MNS1: variants seen among roughly 807,000 people sequenced by gnomAD.
MNS1 encodes the protein meiosis specific nuclear structural 1, also known as meiosis-specific nuclear structural protein 1.
A neutral mutation model predicts 72.0 loss-of-function variants in MNS1; 63 were observed. That is an observed-to-expected ratio of 0.87 (90% CI 0.71 to 1.08). The LOEUF is 1.08. Ranked by LOEUF, MNS1 falls within the 50% of genes least tolerant of loss-of-function variation. MNS1 has a pLI of 0.00. For synonymous variants in MNS1, 188 were observed against 172.1 expected (o/e 1.09, Z -0.72); for missense variants, 604 against 562.4 (o/e 1.07, Z -0.75).
intron 8 of MNS1, 125 bp downstream of exon 8, chr15:56,434,013 A>T (rs1374636506): frequency 9.6e-7 from 1 of 1,047,094 alleles, no homozygotes; most frequent in African/African-American, 1.6e-5. Context: ...AAATTTATAT[A>T]TATATTAGTA....
Position 56,465,023 on chromosome 15 carries a change from C to A in MNS1, c.-51G>T, listed in dbSNP as rs201559825. ...TCGTGGGACCGCGGCCACCACCTCC[C>A]GCCGCAAACGCAGCAGCCAGCAGCC... On this transcript the variant is annotated 5_prime_UTR_variant, in exon 1 of 10. Coordinates refer to ENST00000260453, the MANE Select transcript of MNS1 (RefSeq NM_018365.4). 306 of 1,593,888 alleles carry A rather than the reference C, an allele frequency of 1.9e-4. 1 individual carries two copies. In the African/African-American group the frequency reaches 3.5e-3, roughly 18 times the overall value.
intron 7 of MNS1, among the ~76,000 whole-genome samples, chr15:56,436,717 C>T (rs1246538127): frequency 6.6e-6 from 1 of 151,678 alleles, no homozygotes; most frequent in Non-Finnish European, 1.5e-5. Context: ...TAGCAAGACT[C>T]ATAACAAAGA....
At chr15:56,439,050 T>C (rs1382808793) in intron 7 of MNS1, among the ~76,000 whole-genome samples, 8 of 151,994 alleles carry the variant, frequency 5.3e-5, no homozygotes, top group Non-Finnish European at 8.8e-5. Flanking sequence ...CCTGACTATG[T>C]AGGGAAAAAA....
At chr15:56,433,736 G>GA (rs1291170899) in intron 8 of MNS1, among the ~76,000 whole-genome samples, 5 of 152,098 alleles carry the variant, frequency 3.3e-5, no homozygotes, top group African/African-American at 1.2e-4. Context: ...GCTTCCCTTA[G>GA]AAAAGCCCAC....
intron 9 of MNS1, among the ~76,000 whole-genome samples, chr15:56,431,133 G>A (rs1056190121): frequency 2.0e-5 from 3 of 152,124 alleles, no homozygotes; most frequent in African/African-American, 4.8e-5. Context: ...CAGCCTGGGC[G>A]ATAAATAAGG....
intron 8 of MNS1, 131 bp downstream of exon 8, chr15:56,434,007 T>TTA (rs137878743): frequency 1.4e-5 from 14 of 985,266 alleles, no homozygotes; most frequent in Middle Eastern, 3.0e-4. Flanking sequence ...GTCAGAAAAT[T>TTA]TATATATATA....
At chr15:56,459,173 G>C (rs2051001283) in intron 2 of MNS1, among the ~76,000 whole-genome samples, 1 of 152,086 alleles carries the variant, frequency 6.6e-6, no homozygotes, top group African/African-American at 2.4e-5. Flanking sequence ...CCATGGATTT[G>C]CATATTCTGG....
At chr15:56,461,478 T>C (rs548199308) in intron 2 of MNS1, among the ~76,000 whole-genome samples, 1 of 151,968 alleles carries the variant, frequency 6.6e-6, no homozygotes, top group East Asian at 1.9e-4. Context: ...CTGGCCAACA[T>C]CGTGAAACCC....
intron 9 of MNS1, 143 bp from the exon 10 acceptor site, chr15:56,429,336 T>C (rs921224639): frequency 8.6e-6 from 5 of 579,832 alleles, no homozygotes; most frequent in African/African-American, 3.9e-5. Flanking sequence ...TTTAAAAAAA[T>C]CAATACTTTT....
At chr15:56,443,596 T>G (rs890994106) in intron 6 of MNS1, 42 bp downstream of exon 6, 11 of 1,590,004 alleles carry the variant, frequency 6.9e-6, no homozygotes, top group Non-Finnish European at 9.4e-6. Flanking sequence ...TAACTAATAT[T>G]TCAGAATTTT....
chr15:56,441,909 A>G (rs2050821183), intron 7 of MNS1, among the ~76,000 whole-genome samples: 1 of 152,076 alleles, frequency 6.6e-6, no homozygotes, highest in African/African-American at 2.4e-5. Flanking sequence ...AGTCCCAGCT[A>G]CTTGGGAGGC....
At chr15:56,458,342 C>T (rs992923722) in intron 2 of MNS1, among the ~76,000 whole-genome samples, 2 of 152,176 alleles carry the variant, frequency 1.3e-5, no homozygotes, top group Non-Finnish European at 2.9e-5. Context: ...AGAAAGTACA[C>T]AGAGTTCCCA....
At chr15:56,446,604 G>A (rs532475543) in intron 4 of MNS1, among the ~76,000 whole-genome samples, 1 of 152,098 alleles carries the variant, frequency 6.6e-6, no homozygotes, top group African/African-American at 2.4e-5. Flanking sequence ...TATAAAGAAT[G>A]CTGGGAGTTA....
At chr15:56,436,815 C>G (rs1459658354) in intron 7 of MNS1, among the ~76,000 whole-genome samples, 3 of 152,128 alleles carry the variant, frequency 2.0e-5, no homozygotes, top group Non-Finnish European at 2.9e-5. Context: ...TCAGAGAATA[C>G]TATAAACACC....
intron 3 of MNS1, among the ~76,000 whole-genome samples, chr15:56,453,974 C>G (rs2050964234): frequency 6.6e-6 from 1 of 152,026 alleles, no homozygotes; most frequent in African/African-American, 2.4e-5. Context: ...GAGCAGTTCC[C>G]TGAATTTAGA....
At chr15:56,431,221 A>C in intron 9 of MNS1, 152 bp downstream of exon 9, 2 of 739,144 alleles carry the variant, frequency 2.7e-6, no homozygotes, top group Non-Finnish European at 4.3e-6. Flanking sequence ...AAATGGGCCC[A>C]GAGAGGTTCA....
chr15:56,463,805 C>A, intron 2 of MNS1: 3 of 457,350 alleles, frequency 6.6e-6, no homozygotes, highest in Non-Finnish European at 1.1e-5. Flanking sequence ...GTAAAAGCAA[C>A]TTACTCAAGG....
At chr15:56,449,177 T>TTAG (rs1449801139) in intron 3 of MNS1, among the ~76,000 whole-genome samples, 2 of 152,166 alleles carry the variant, frequency 1.3e-5, no homozygotes. Flanking sequence ...ATTGCACTGA[T>TTAG]TAGTATGTAT....
At chr15:56,463,732 A>C (rs2051037916) in intron 2 of MNS1, 2 of 277,428 alleles carry the variant, frequency 7.2e-6, no homozygotes. Flanking sequence ...CAGTGAGCCA[A>C]GATCGTGCCA....
Sources: gnomAD v4.1 joint callset for allele counts (sites outside exome capture counted in the v4.1 genomes callset) on GRCh38, gnomAD v4.1.1 for gene constraint, MANE v1.5 for transcripts, NCBI Gene and HGNC (gene_info 2026-07-23, HGNC 2026-07-21) for gene names.